The following ARRB1 variants were observed in gnomAD, a reference collection of about 807,000 sequenced individuals.
ARRB1 encodes beta-arrestin-1.
ARRB1 carries 21 observed loss-of-function variants against 56.8 expected under a neutral mutation model. The ratio of observed to expected loss-of-function variants is 0.37; its 90% CI spans 0.26 to 0.53. The LOEUF (loss-of-function observed/expected upper bound fraction) is 0.53, where lower values mean the gene tolerates loss of function less well. ARRB1 is among the 20% of genes least tolerant of loss of function. The probability of loss-of-function intolerance (pLI) is 0.88; values close to 1 mark genes in which losing one functional copy is unlikely to be tolerated. For missense variants in ARRB1, 424 were observed against 553.7 expected (o/e 0.77, Z 2.35); for synonymous variants, 210 against 218.6 (o/e 0.96, Z 0.35).
At chr11:75,300,967 CA>C (rs149559322) in intron 1 of ARRB1, among the ~76,000 whole-genome samples, 8,354 of 76,666 alleles carry the variant, frequency 0.11, 343 homozygotes, top group Non-Finnish European at 0.14. Context: ...GACTCCGTCT[CA>C]AAAAAAAAAA....
intron 1 of ARRB1, among the ~76,000 whole-genome samples, chr11:75,312,791 TGGA>T (rs1367218358): frequency 2.0e-5 from 3 of 152,100 alleles, no homozygotes; most frequent in Non-Finnish European, 4.4e-5. Context: ...GCTTCAAAGC[TGGA>T]GGATGGGGCT....
intron 1 of ARRB1, among the ~76,000 whole-genome samples, chr11:75,310,358 A>AGGGGAAC (rs1947130109): frequency 1.3e-5 from 2 of 152,192 alleles, no homozygotes. Context: ...GGGAACACCA[A>AGGGGAAC]GGGGAACAAG....
chr11:75,282,121 G>T, intron 5 of ARRB1, 100 bp from the exon 6 acceptor site: 1 of 1,280,132 alleles, frequency 7.8e-7, no homozygotes, highest in Non-Finnish European at 1.1e-6. Context: ...CAGACCAAGG[G>T]CCCCAGGGGA....
rs150255902 is a variant in ARRB1, at chr11:75,270,606, G to A, written c.1022+1095C>T. Among the ~76,000 whole-genome samples the A allele has an allele frequency of 2.2e-3, 334 of 149,822 alleles. 1 individual carries two copies. Among genetic ancestry groups the A allele is most frequent in the African/African-American group, 7.6e-3 (309 of 40,594 alleles). ...CGTGCCACTGCACTCCAGCCTACCC[G>A]ACAGAGTGAGATTCTGTCTCAAAAA... On this transcript the variant is annotated intron_variant, in intron 13 of 15. Coordinates refer to ENST00000420843, the MANE Select transcript of ARRB1 (RefSeq NM_004041.5).
At chr11:75,288,959 A>G (rs1228723671) in intron 2 of ARRB1, among the ~76,000 whole-genome samples, 1 of 152,206 alleles carries the variant, frequency 6.6e-6, no homozygotes, top group Non-Finnish European at 1.5e-5. Flanking sequence ...GTGTCCAAAA[A>G]TAAGGATGAC....
intron 12 of ARRB1, among the ~76,000 whole-genome samples, chr11:75,271,932 C>T (rs1313364879): frequency 6.6e-6 from 1 of 152,134 alleles, no homozygotes; most frequent in Non-Finnish European, 1.5e-5. Flanking sequence ...GACTGGGATC[C>T]AGACCCAGCT....
At chr11:75,334,416 C>G (rs914355298) in intron 1 of ARRB1, among the ~76,000 whole-genome samples, 8 of 152,102 alleles carry the variant, frequency 5.3e-5, no homozygotes, top group African/African-American at 1.9e-4. Context: ...GTCTGACCAC[C>G]TCACCCCAGC....
At chr11:75,324,704 C>T (rs549811907) in intron 1 of ARRB1, among the ~76,000 whole-genome samples, 3 of 152,318 alleles carry the variant, frequency 2.0e-5, no homozygotes, top group African/African-American at 7.2e-5. Context: ...CCAACTCCAC[C>T]TGCCTCCTCG....
At chr11:75,287,397 G>T in intron 2 of ARRB1, 22 bp from the exon 3 acceptor site, 2 of 1,554,950 alleles carry the variant, frequency 1.3e-6, no homozygotes, top group Non-Finnish European at 1.7e-6. Context: ...AGGCATAGGG[G>T]GCGTTAGCAG....
chr11:75,271,682 G>A lies in ARRB1; in HGVS notation c.1022+19C>T. 6.4e-7 allele frequency: 1 copy of A among 1,561,750 alleles called. No individual in the cohort carries two copies. The highest frequency in any genetic ancestry group is 8.7e-7 in the Non-Finnish European group (1 of 1,152,778). On this transcript the variant is annotated intron_variant, in intron 13 of 15. Transcript: ENST00000420843. ...CCCTCCAGGAAGGTGGGTGAACCAG[G>A]TGGAAGGGAGGAATTTACCTGGATG...
chr11:75,291,821 A>C (rs1314463894), intron 1 of ARRB1, among the ~76,000 whole-genome samples: 1 of 152,240 alleles, frequency 6.6e-6, no homozygotes, highest in Non-Finnish European at 1.5e-5. Flanking sequence ...TAGGGCAGGA[A>C]CACATGAGGC....
chr11:75,318,487 C>T (rs1331434821), intron 1 of ARRB1, among the ~76,000 whole-genome samples: 9 of 152,174 alleles, frequency 5.9e-5, no homozygotes, highest in Admixed American at 4.6e-4. Context: ...GTCAGGAGTT[C>T]GAGACCAGCC....
chr11:75,310,369 G>A (rs1263902947), intron 1 of ARRB1, among the ~76,000 whole-genome samples: 1 of 152,198 alleles, frequency 6.6e-6, no homozygotes, highest in Non-Finnish European at 1.5e-5. Flanking sequence ...GGGGAACAAG[G>A]CCATCCAGGG....
At chr11:75,319,340 G>A (rs1273611601) in intron 1 of ARRB1, among the ~76,000 whole-genome samples, 1 of 152,198 alleles carries the variant, frequency 6.6e-6, no homozygotes, top group Non-Finnish European at 1.5e-5. Flanking sequence ...GGGACCAGGT[G>A]AGGGGGCCAA....
chr11:75,347,068 C>T (rs1947780423), intron 1 of ARRB1, among the ~76,000 whole-genome samples: 1 of 152,250 alleles, frequency 6.6e-6, no homozygotes, highest in African/African-American at 2.4e-5. Flanking sequence ...CTGCCACCAA[C>T]CCAAAGTGTC....
At chr11:75,302,353 G>C (rs1390220904) in intron 1 of ARRB1, among the ~76,000 whole-genome samples, 1 of 152,238 alleles carries the variant, frequency 6.6e-6, no homozygotes, top group Non-Finnish European at 1.5e-5. Flanking sequence ...TGCAGAGTGA[G>C]GAAAGAGGGG....
chr11:75,312,164 T>G, intron 1 of ARRB1: 1 of 1,287,304 alleles, frequency 7.8e-7, no homozygotes, highest in Non-Finnish European at 1.0e-6. Flanking sequence ...ACCCTCGCCC[T>G]CCCCGGGGAG....
chr11:75,351,523 C>T, intron 1 of ARRB1, 65 bp downstream of exon 1: 4 of 1,496,258 alleles, frequency 2.7e-6, no homozygotes, highest in Non-Finnish European at 3.5e-6. Context: ...AATCGGAGCC[C>T]CCGCCCGTGT....
chr11:75,307,601 G>A (rs976600981), intron 1 of ARRB1, among the ~76,000 whole-genome samples: 3 of 152,108 alleles, frequency 2.0e-5, no homozygotes, highest in South Asian at 2.1e-4. Context: ...CAGAGGGCAC[G>A]ATCCCCATCT....
Sources: gnomAD v4.1 joint callset for allele counts (sites outside exome capture counted in the v4.1 genomes callset) on GRCh38, gnomAD v4.1.1 for gene constraint, MANE v1.5 for transcripts, NCBI Gene and HGNC (gene_info 2026-07-23, HGNC 2026-07-21) for gene names.